The following UBR2 variants were observed in gnomAD, a reference collection of about 807,000 sequenced individuals.
UBR2 encodes the protein E3 ubiquitin-protein ligase UBR2.
A neutral mutation model predicts 247.9 loss-of-function variants in UBR2; 92 were observed. That is an observed-to-expected ratio of 0.37 (90% CI 0.31 to 0.44). UBR2 has a LOEUF of 0.44. Ranked by LOEUF, UBR2 falls within the 20% of genes least tolerant of loss-of-function variation. UBR2 has a pLI of 1.00. For synonymous variants in UBR2, 672 were observed against 693.5 expected (o/e 0.97, Z 0.49); for missense variants, 1,613 against 2,112.6 (o/e 0.76, Z 4.64).
At chr6:42,633,804 C>T (rs1795915379) in intron 13 of UBR2, among the ~76,000 whole-genome samples, 1 of 152,146 alleles carries the variant, frequency 6.6e-6, no homozygotes, top group African/African-American at 2.4e-5. Flanking sequence ...AATCCTGGCT[C>T]ACTGCAACCT....
intron 43 of UBR2, among the ~76,000 whole-genome samples, chr6:42,684,272 G>T (rs1230220969): frequency 6.6e-6 from 1 of 152,126 alleles, no homozygotes; most frequent in East Asian, 1.9e-4. Context: ...AAGTGATTTT[G>T]ATATGATTAA....
Position 42,652,524 on chromosome 6 carries a change from C to G in UBR2, c.2648C>G (p.Pro883Arg). The G allele has an allele frequency of 6.2e-7, 1 of 1,611,912 alleles. No individual in the cohort carries two copies. Among genetic ancestry groups the G allele is most frequent in the Non-Finnish European group, 8.5e-7 (1 of 1,179,602 alleles). ...LPPPVLPPFC[P>R]LFASLVNILQ... ...CCTCCGGTGTTGCCTCCATTCTGCC[C>G]TCTGTTTGCAAGCCTGGTTAACATT... The change falls in exon 25 of 47, where the codon CCT (proline) becomes CGT (arginine). Residue 883 changes from proline (P) to arginine (R), a missense_variant. Physicochemically the swap from Pro to Arg is moderately radical, Grantham distance 103. Around this residue, in one of 3 missense-constraint regions of UBR2, gnomAD observed 1,524 missense variants for 1,967.3 expected, o/e 0.77. Transcript: ENST00000372901.
At chr6:42,688,144 G>A in intron 44 of UBR2, 72 bp from the exon 45 acceptor site, 2 of 1,585,580 alleles carry the variant, frequency 1.3e-6, no homozygotes, top group Non-Finnish European at 1.7e-6. Flanking sequence ...TCTTTTCTGG[G>A]CTGGTTTTTT....
chr6:42,688,403 G>C lies in UBR2; in HGVS notation c.5024+17G>C. ...CTTCCTGAGGTAAGGACCTGCAGGGGCTTTTTAGCTTTGGATCTGCCTCAG... is the reference window on the plus strand; with the variant it reads ...CTTCCTGAGGTAAGGACCTGCAGGGCCTTTTTAGCTTTGGATCTGCCTCAG... On this transcript the variant is annotated intron_variant, in intron 45 of 46. Coordinates refer to ENST00000372901, the MANE Select transcript of UBR2 (RefSeq NM_001363705.2). The C allele has an allele frequency of 6.2e-7, 1 of 1,610,754 alleles. No homozygotes were observed. The highest frequency in any genetic ancestry group is 8.5e-7 in the Non-Finnish European group (1 of 1,178,990).
At chr6:42,603,438 T>G in intron 4 of UBR2, 150 bp from the exon 5 acceptor site, 1 of 664,296 alleles carries the variant, frequency 1.5e-6, no homozygotes, top group Admixed American at 4.2e-5. Context: ...AGGGTGGTAA[T>G]GTATAGGATC....
intron 4 of UBR2, among the ~76,000 whole-genome samples, chr6:42,599,595 T>C (rs976664214): frequency 6.7e-6 from 1 of 148,804 alleles, no homozygotes; most frequent in African/African-American, 2.5e-5. Flanking sequence ...TTGCATGGTT[T>C]GGGGTTTTGT....
intron 25 of UBR2, among the ~76,000 whole-genome samples, chr6:42,653,917 C>T (rs940992090): frequency 2.6e-5 from 4 of 152,160 alleles, no homozygotes; most frequent in African/African-American, 9.7e-5. Context: ...CGTGCCTGGC[C>T]ATGCTAAGCA....
Position 42,644,194 on chromosome 6 carries a change from A to G in UBR2, c.2098-20A>G. On this transcript the variant is annotated intron_variant, in intron 18 of 46. Transcript: ENST00000372901. ...ACCTTCCTCTTTTCCTTTATCTCAAACATTAAAAAAAAAAAAAAGACAGGT... is the reference window on the plus strand; with the variant it reads ...ACCTTCCTCTTTTCCTTTATCTCAAGCATTAAAAAAAAAAAAAAGACAGGT... 1 of 1,580,628 alleles carries G rather than the reference A, an allele frequency of 6.3e-7. No individual in the cohort carries two copies. The highest frequency in any genetic ancestry group is 8.5e-7 in the Non-Finnish European group (1 of 1,172,588).
At chr6:42,627,413 G>T (rs1444904778) in intron 11 of UBR2, among the ~76,000 whole-genome samples, 1 of 152,154 alleles carries the variant, frequency 6.6e-6, no homozygotes, top group Non-Finnish European at 1.5e-5. Context: ...TGGCTAATTT[G>T]TTGGTTTTAC....
chr6:42,641,217 A>C (rs1489091566), intron 16 of UBR2, among the ~76,000 whole-genome samples: 1 of 152,238 alleles, frequency 6.6e-6, no homozygotes, highest in South Asian at 2.1e-4. Flanking sequence ...TAATCGCAGC[A>C]CTTTGGGAAG....
intron 6 of UBR2, 80 bp downstream of exon 6, chr6:42,605,939 A>T (rs1793668614): frequency 8.1e-7 from 1 of 1,227,396 alleles, no homozygotes; most frequent in Non-Finnish European, 1.1e-6. Context: ...GAATTGAGTT[A>T]AAGATATATA....
At chr6:42,604,839 C>T (rs1793598520) in intron 5 of UBR2, among the ~76,000 whole-genome samples, 1 of 151,972 alleles carries the variant, frequency 6.6e-6, no homozygotes, top group African/African-American at 2.4e-5. Flanking sequence ...CCAGCCTGGG[C>T]AGCATAGTAA....
intron 45 of UBR2, among the ~76,000 whole-genome samples, chr6:42,688,627 C>A (rs1452277588): frequency 6.6e-6 from 1 of 152,224 alleles, no homozygotes; most frequent in African/African-American, 2.4e-5. Flanking sequence ...CAGTTCTGTT[C>A]TACTTTCTCC....
chr6:42,591,925 G>A (rs980787223), intron 2 of UBR2, among the ~76,000 whole-genome samples: 1 of 152,076 alleles, frequency 6.6e-6, no homozygotes, highest in Admixed American at 6.6e-5. Context: ...AATAATATGT[G>A]CCTTGAAAGA....
At chr6:42,631,359 A>G (rs1214861050) in intron 11 of UBR2, among the ~76,000 whole-genome samples, 1 of 152,132 alleles carries the variant, frequency 6.6e-6, no homozygotes, top group Non-Finnish European at 1.5e-5. Flanking sequence ...CAAAGAGCAA[A>G]ATGTTTGAAG....
chr6:42,663,221 C>T (rs1168491354), intron 31 of UBR2, 37 bp from the exon 32 acceptor site: 1 of 1,462,826 alleles, frequency 6.8e-7, no homozygotes. Flanking sequence ...ATGTAAATTA[C>T]CATTGTTTTG....
At chr6:42,599,235 A>G (rs972650389) in intron 4 of UBR2, among the ~76,000 whole-genome samples, 1 of 152,200 alleles carries the variant, frequency 6.6e-6, no homozygotes, top group Non-Finnish European at 1.5e-5. Flanking sequence ...CTAGATGTTA[A>G]TGCTGACTAT....
Position 42,573,974 on chromosome 6 carries a change from G to A in UBR2, c.319G>A (p.Glu107Lys). ...HLCGRVFKVGEPTYSCRDCAV... is the reference protein window; with the variant it reads ...HLCGRVFKVGKPTYSCRDCAV... Reference sequence around the variant, plus strand: ...TTGTGGTCGTGTTTTTAAAGTAGGAGAGCCTACATATTCTTGCAGGTAAAA... The same window carrying A: ...TTGTGGTCGTGTTTTTAAAGTAGGAAAGCCTACATATTCTTGCAGGTAAAA... Residue 107 changes from glutamate to lysine, a missense_variant, in exon 2 of 47, where the codon GAG (glutamate) becomes AAG (lysine). Physicochemically the swap from Glu to Lys is moderately conservative, Grantham distance 56 (BLOSUM62 1). This residue lies in a region of UBR2 where 1,524 missense variants were observed against 1,967.3 expected (regional missense o/e 0.77). Coordinates refer to ENST00000372901, the MANE Select transcript of UBR2 (RefSeq NM_001363705.2). 1 of 1,606,474 alleles carries A rather than the reference G, an allele frequency of 6.2e-7. No individual in the cohort carries two copies. The highest frequency in any genetic ancestry group is 8.5e-7 in the Non-Finnish European group (1 of 1,176,828).
At chr6:42,602,213 CTTTTT>C (rs1363517918) in intron 4 of UBR2, among the ~76,000 whole-genome samples, 2 of 144,046 alleles carry the variant, frequency 1.4e-5, no homozygotes, top group African/African-American at 5.1e-5. Flanking sequence ...CTTTTCTTTT[CTTTTT>C]GAGACAGAGT....
Sources: allele counts gnomAD v4.1 joint callset (sites outside exome capture counted in the v4.1 genomes callset), GRCh38; gene constraint gnomAD v4.1.1; regional missense constraint gnomAD v4.1.1; transcripts MANE v1.5; gene names NCBI Gene and HGNC (gene_info 2026-07-23, HGNC 2026-07-21).